PTPRD: variants seen among roughly 807,000 people sequenced by gnomAD.
PTPRD encodes the protein protein tyrosine phosphatase receptor type D, also known as receptor-type tyrosine-protein phosphatase delta.
PTPRD carries 34 observed loss-of-function variants against 214.5 expected under a neutral mutation model. That is an observed-to-expected ratio of 0.16 (90% CI 0.12 to 0.21). PTPRD has a LOEUF of 0.21. PTPRD is among the 10% of genes least tolerant of loss of function. The pLI is 1.00. For missense variants in PTPRD, 2,545 were observed against 2,398.7 expected, an observed-to-expected ratio of 1.06 and a Z score of -1.27; for synonymous variants, 1,128 against 845.7, an observed-to-expected ratio of 1.33 and a Z score of -5.79.
intron 3 of PTPRD, among the ~76,000 whole-genome samples, chr9:10,202,252 C>T (rs1456834004): frequency 6.6e-6 from 1 of 151,980 alleles, no homozygotes; most frequent in African/African-American, 2.4e-5. Context: ...ACAAAAATAA[C>T]ATTCTAATAA....
At chr9:10,554,602 C>T (rs995013120) in intron 2 of PTPRD, among the ~76,000 whole-genome samples, 2 of 152,012 alleles carry the variant, frequency 1.3e-5, no homozygotes, top group East Asian at 1.9e-4. Flanking sequence ...TTGCTATTAA[C>T]ATTTTTATAC....
intron 11 of PTPRD, among the ~76,000 whole-genome samples, chr9:8,989,077 T>A (rs1447927243): frequency 6.6e-6 from 1 of 152,068 alleles, no homozygotes; most frequent in Non-Finnish European, 1.5e-5. Flanking sequence ...ATGTCTCAGT[T>A]TTTTTATTAT....
intron 8 of PTPRD, among the ~76,000 whole-genome samples, chr9:9,493,214 A>C (rs1589803716): frequency 6.6e-6 from 1 of 152,146 alleles, no homozygotes; most frequent in South Asian, 2.1e-4. Context: ...TGCTTAAGGT[A>C]CTCTGCCTGT....
intron 37 of PTPRD, among the ~76,000 whole-genome samples, chr9:8,378,683 A>T (rs1044431873): frequency 6.6e-6 from 1 of 152,122 alleles, no homozygotes; most frequent in African/African-American, 2.4e-5. Context: ...TCACTATGAT[A>T]TGCACAAAAA....
At chr9:9,966,287 A>G (rs142531889) in intron 4 of PTPRD, among the ~76,000 whole-genome samples, 228 of 152,308 alleles carry the variant, frequency 1.5e-3, no homozygotes, top group African/African-American at 5.1e-3. Context: ...ACCTAAGTTC[A>G]TATCATCAGT....
chr9:9,026,593 G>C (rs1033379010), intron 10 of PTPRD, among the ~76,000 whole-genome samples: 1 of 151,852 alleles, frequency 6.6e-6, no homozygotes, highest in Non-Finnish European at 1.5e-5. Flanking sequence ...GCCTATAATA[G>C]TAATGTTTTT....
chr9:9,724,360 A>G (rs2098035192), intron 7 of PTPRD, among the ~76,000 whole-genome samples: 1 of 152,182 alleles, frequency 6.6e-6, no homozygotes, highest in Non-Finnish European at 1.5e-5. Flanking sequence ...TCATCTCTCA[A>G]AGCTCAACTC....
chr9:10,340,052 A>G (rs78231001), intron 3 of PTPRD, among the ~76,000 whole-genome samples: 3,239 of 151,846 alleles, frequency 0.021, 124 homozygotes, highest in African/African-American at 0.074. Context: ...ATGATTTTAT[A>G]TAACTCCACA....
chr9:8,367,380 G>T (rs1331940362), intron 39 of PTPRD, among the ~76,000 whole-genome samples: 2 of 152,070 alleles, frequency 1.3e-5, no homozygotes, highest in African/African-American at 4.8e-5. Context: ...CCTAGGACAT[G>T]TTTTTATTGT....
chr9:8,629,242 T>C (rs1034136442), intron 14 of PTPRD, among the ~76,000 whole-genome samples: 22 of 151,866 alleles, frequency 1.4e-4, no homozygotes, highest in African/African-American at 5.1e-4. Context: ...TAATTATTGA[T>C]GTCTTTCCTC....
intron 9 of PTPRD, among the ~76,000 whole-genome samples, chr9:9,184,503 A>G (rs900388017): frequency 6.6e-6 from 1 of 152,006 alleles, no homozygotes; most frequent in Non-Finnish European, 1.5e-5. Flanking sequence ...CACTTCCACT[A>G]ATAAGGTCTA....
At chr9:8,863,072 TAAAAA>T (rs1004011975) in intron 11 of PTPRD, among the ~76,000 whole-genome samples, 7 of 139,880 alleles carry the variant, frequency 5.0e-5, no homozygotes, top group Non-Finnish European at 8.9e-5. Context: ...ATAATAATAA[TAAAAA>T]AAAGAAATCC....
chr9:9,322,399 C>G (rs1434825456), intron 9 of PTPRD, among the ~76,000 whole-genome samples: 1 of 152,082 alleles, frequency 6.6e-6, no homozygotes, highest in African/African-American at 2.4e-5. Context: ...CAAAAAAGAA[C>G]GCTAAAGTCC....
intron 7 of PTPRD, among the ~76,000 whole-genome samples, chr9:9,728,998 G>T (rs1246322380): frequency 1.3e-5 from 2 of 151,952 alleles, no homozygotes; most frequent in Non-Finnish European, 2.9e-5. Context: ...CAGGTTATTT[G>T]GTAAAAGTCA....
rs1191856632 is a variant in PTPRD at position 9,653,417 on chromosome 9, A to C, written c.-286-78636T>G. The stretch of plus-strand genomic sequence containing the variant: ...TCATTCTCATTTTACGCCTAAAGAA[A>C]ATATAATGGTTAGCAAATATAGGTC... On this transcript the variant is annotated intron_variant, in intron 7 of 45. Transcript: ENST00000381196. Among the ~76,000 whole-genome samples the C allele has an allele frequency of 2.0e-5, 3 of 151,196 alleles. No individual in the cohort carries two copies. In the East Asian group the frequency reaches 5.8e-4, roughly 29 times the overall value.
chr9:9,955,897 T>C (rs185608014), intron 4 of PTPRD, among the ~76,000 whole-genome samples: 2 of 152,166 alleles, frequency 1.3e-5, no homozygotes, highest in African/African-American at 4.8e-5. Context: ...TAACTACATG[T>C]TCCTGAAACA....
At position 8,989,005 on chromosome 9, in the gene PTPRD, C is replaced by T. The variant is rs542628624; in HGVS notation, c.-104+29692G>A. Among the ~76,000 whole-genome samples, 93 of 151,972 alleles carry T rather than the reference C, an allele frequency of 6.1e-4. 1 individual carries two copies. The highest frequency in any genetic ancestry group is 1.7e-3 in the African/African-American group (70 of 41,480). On this transcript the variant is annotated intron_variant, in intron 11 of 45. Transcript: ENST00000381196. Reference sequence around the variant, plus strand: ...TACATAAGTTCTTTTAATAATATTCCGATGAATTTCATAATTAATATTAGT... The same window carrying T: ...TACATAAGTTCTTTTAATAATATTCTGATGAATTTCATAATTAATATTAGT...
At chr9:9,653,594 T>G (rs1469989590) in intron 7 of PTPRD, among the ~76,000 whole-genome samples, 6 of 152,088 alleles carry the variant, frequency 3.9e-5, no homozygotes. Flanking sequence ...CTTACCTGTT[T>G]TTGTGGTTAG....
chr9:10,095,614 A>G (rs750407951), intron 3 of PTPRD, among the ~76,000 whole-genome samples: 34 of 151,616 alleles, frequency 2.2e-4, no homozygotes, highest in Non-Finnish European at 1.3e-4. Flanking sequence ...GAAGACTGAG[A>G]TAATATGCAT....
Sources: gnomAD v4.1 joint callset for allele counts (sites outside exome capture counted in the v4.1 genomes callset) on GRCh38, gnomAD v4.1.1 for gene constraint, MANE v1.5 for transcripts, NCBI Gene and HGNC (gene_info 2026-07-23, HGNC 2026-07-21) for gene names.